ENTREP2: variants seen among roughly 807,000 people sequenced by gnomAD.
The protein encoded by ENTREP2 is endosomal transmembrane epsin interactor 2, also known as protein ENTREP2.
chr15:29,594,111 A>C, the ENTREP2 span, among the ~76,000 whole-genome samples: 1 of 152,300 alleles, frequency 6.6e-6, no homozygotes, highest in South Asian at 2.1e-4. Flanking sequence ...TTTAAAAAAA[A>C]AGGAAATAAA....
the ENTREP2 span, among the ~76,000 whole-genome samples, chr15:29,184,603 C>A: frequency 6.6e-6 from 1 of 152,020 alleles, no homozygotes; most frequent in Non-Finnish European, 1.5e-5. Flanking sequence ...AAGTCCGCCT[C>A]ATGGACTTCA....
At chr15:29,646,466 G>A in the ENTREP2 span, among the ~76,000 whole-genome samples, 1 of 152,138 alleles carries the variant, frequency 6.6e-6, no homozygotes, top group Non-Finnish European at 1.5e-5. Context: ...CCTTCTCTAC[G>A]TGAGGCCCTC....
chr15:29,447,617 A>G, the ENTREP2 span, among the ~76,000 whole-genome samples: 1 of 149,430 alleles, frequency 6.7e-6, no homozygotes, highest in Non-Finnish European at 1.5e-5. Context: ...GGTGCATGCC[A>G]CTGGGACTAC....
the ENTREP2 span, among the ~76,000 whole-genome samples, chr15:29,409,778 G>A: frequency 2.0e-5 from 3 of 152,034 alleles, no homozygotes; most frequent in Admixed American, 6.6e-5. Flanking sequence ...TGTGTCTTTC[G>A]ATGTTTTTTA....
the ENTREP2 span, among the ~76,000 whole-genome samples, chr15:29,630,999 C>T: frequency 1.3e-5 from 2 of 152,176 alleles, no homozygotes; most frequent in Non-Finnish European, 2.9e-5. Flanking sequence ...AATTTTATTT[C>T]TCTATTCTCA....
the ENTREP2 span, among the ~76,000 whole-genome samples, chr15:29,504,254 A>AACAAC: frequency 6.6e-6 from 1 of 152,216 alleles, no homozygotes; most frequent in Non-Finnish European, 1.5e-5. Flanking sequence ...AACGGTCAGC[A>AACAAC]ACAACACAAC....
At chr15:29,554,316 A>G in the ENTREP2 span, among the ~76,000 whole-genome samples, 8 of 147,548 alleles carry the variant, frequency 5.4e-5, no homozygotes, top group East Asian at 2.0e-4. Flanking sequence ...CTCCGTCTCA[A>G]AAAAAAAAAA....
chr15:29,566,723 T>G, the ENTREP2 span, among the ~76,000 whole-genome samples: 17 of 142,554 alleles, frequency 1.2e-4, no homozygotes, highest in African/African-American at 4.5e-4. Context: ...TCCCAAAGTG[T>G]TGGGATTACA....
the ENTREP2 span, among the ~76,000 whole-genome samples, chr15:29,626,661 G>A: frequency 6.6e-6 from 1 of 152,102 alleles, no homozygotes; most frequent in Non-Finnish European, 1.5e-5. Flanking sequence ...TGAGCTGTAT[G>A]CTTTTTATTT....
At chr15:29,555,951 T>C in the ENTREP2 span, among the ~76,000 whole-genome samples, 2 of 152,218 alleles carry the variant, frequency 1.3e-5, no homozygotes, top group Admixed American at 1.3e-4. Flanking sequence ...GGACAGCTTC[T>C]TCCCGAAGAA....
chr15:29,126,443 G>C, the ENTREP2 span: 3 of 1,550,084 alleles, frequency 1.9e-6, no homozygotes. Flanking sequence ...GCTGGAACCT[G>C]GCGTAGCAGT....
chr15:29,263,511 C>T, the ENTREP2 span, among the ~76,000 whole-genome samples: 2 of 152,106 alleles, frequency 1.3e-5, no homozygotes, highest in Non-Finnish European at 2.9e-5. Flanking sequence ...CTAAGCGCAC[C>T]CATGTGGATG....
At chr15:29,472,103 C>T in the ENTREP2 span, among the ~76,000 whole-genome samples, 1 of 152,108 alleles carries the variant, frequency 6.6e-6, no homozygotes, top group Admixed American at 6.6e-5. Context: ...ACAATCTTCC[C>T]CCAAGAAATG....
chr15:29,118,485 G>A, the ENTREP2 span, among the ~76,000 whole-genome samples: 1 of 152,222 alleles, frequency 6.6e-6, no homozygotes, highest in Non-Finnish European at 1.5e-5. Context: ...CGGTGGGTGG[G>A]TGCTCTGGGC....
chr15:29,427,968 C>T, the ENTREP2 span, among the ~76,000 whole-genome samples: 4 of 152,132 alleles, frequency 2.6e-5, no homozygotes, highest in Non-Finnish European at 4.4e-5. Context: ...AAGTCCGAAA[C>T]CAACAGAGTG....
the ENTREP2 span, among the ~76,000 whole-genome samples, chr15:29,469,256 G>A: frequency 6.6e-6 from 1 of 152,240 alleles, no homozygotes; most frequent in Non-Finnish European, 1.5e-5. Flanking sequence ...CTGGAGTACA[G>A]TGGCGTGATC....
At chr15:29,362,367 C>CTTTTTTTTTTTTTTTT in the ENTREP2 span, among the ~76,000 whole-genome samples, 5 of 91,500 alleles carry the variant, frequency 5.5e-5, no homozygotes, top group Non-Finnish European at 9.9e-5. Flanking sequence ...TGTTTTTAAT[C>CTTTTTTTTTTTTTTTT]TTTTTTTTTT....
At chr15:29,257,650 T>G in the ENTREP2 span, among the ~76,000 whole-genome samples, 4 of 152,196 alleles carry the variant, frequency 2.6e-5, no homozygotes, top group Non-Finnish European at 5.9e-5. Context: ...AAGATCTTAC[T>G]TTTTCTGTTA....
At chr15:29,384,915 C>A in the ENTREP2 span, among the ~76,000 whole-genome samples, 1 of 152,342 alleles carries the variant, frequency 6.6e-6, no homozygotes, top group South Asian at 2.1e-4. Context: ...CTCACGCAGA[C>A]TAAGCCTGGA....
Sources: allele counts gnomAD v4.1 joint callset (sites outside exome capture counted in the v4.1 genomes callset), GRCh38; gene constraint gnomAD v4.1.1; transcripts MANE v1.5; gene names NCBI Gene and HGNC (gene_info 2026-07-23, HGNC 2026-07-21).